The following GOLGA4 variants were observed in gnomAD, a reference collection of about 807,000 sequenced individuals.
The protein encoded by GOLGA4 is golgin subfamily A member 4.
In GOLGA4, 169 loss-of-function variants were observed where a neutral mutation model predicts 265.9. That is an observed-to-expected ratio of 0.64 (90% confidence interval 0.56 to 0.72). The LOEUF is 0.72. Ranked by LOEUF, GOLGA4 falls within the 30% of genes least tolerant of loss-of-function variation. GOLGA4 has a pLI of 0.00. For missense variants in GOLGA4, 2,482 were observed against 2,483.4 expected (o/e 1.00, Z 0.01); for synonymous variants, 923 against 855.8 (o/e 1.08, Z -1.37).
intron 4 of GOLGA4, 28 bp from the exon 5 acceptor site, chr3:37,289,207 C>T: frequency 1.4e-6 from 2 of 1,385,908 alleles, no homozygotes; most frequent in Non-Finnish European, 2.0e-6. Context: ...AGCTGTTTAA[C>T]CAGCTTTTTT....
chr3:37,347,208 A>G lies in GOLGA4; in HGVS notation c.6488A>G (p.His2163Arg). The change falls in exon 21 of 24, where the codon CAT becomes CGT. Residue 2163 changes from histidine to arginine, a missense_variant. Around this residue, in one of 3 missense-constraint regions of GOLGA4, gnomAD observed 942 missense variants for 983.1 expected, o/e 0.96. Coordinates refer to ENST00000361924, the MANE Select transcript of GOLGA4 (RefSeq NM_002078.5). ...TATTTGGCAGGTGGCAATTTGTACCATACGGATGTCTCACTCTTTGGAGAA... is the reference window on the plus strand; with the variant it reads ...TATTTGGCAGGTGGCAATTTGTACCGTACGGATGTCTCACTCTTTGGAGAA... The part of the protein sequence containing the change: ...GTPYKGGNLY[H>R]TDVSLFGEPT... 6.2e-7 allele frequency: 1 copy of G among 1,611,376 alleles called. No homozygotes were observed. Among genetic ancestry groups the G allele is most frequent in the Non-Finnish European group, 8.5e-7 (1 of 1,177,854 alleles).
At position 37,324,167 on chromosome 3, in the gene GOLGA4, C is replaced by G. The variant is rs1274839727; in HGVS notation, c.2281C>G (p.Leu761Val). Residue 761 changes from leucine (L) to valine (V), a missense_variant, in exon 14 of 24, where the codon CTT becomes GTT. Physicochemically the swap from Leu to Val is conservative, Grantham distance 32. Transcript: ENST00000361924. Reference sequence around the variant, plus strand: ...GGCATTAAAAGATCAAATTAATCAACTTGAGCTTCTCTTGAAGGAAAGGGA... The same window carrying G: ...GGCATTAAAAGATCAAATTAATCAAGTTGAGCTTCTCTTGAAGGAAAGGGA... ...EKALKDQINQ[L>V]ELLLKERDKH... 2.5e-6 allele frequency: 4 copies of G among 1,613,846 alleles called. No individual in the cohort carries two copies. Among genetic ancestry groups the G allele is most frequent in the Non-Finnish European group, 3.4e-6 (4 of 1,179,916 alleles).
At chr3:37,276,114 A>G (rs1380853105) in intron 2 of GOLGA4, 22 of 1,610,626 alleles carry the variant, frequency 1.4e-5, no homozygotes, top group East Asian at 1.1e-4. Context: ...GATTCTGTGC[A>G]GTTGAAGTGT....
intron 10 of GOLGA4, among the ~76,000 whole-genome samples, chr3:37,303,790 A>G (rs2150879091): frequency 6.6e-6 from 1 of 152,286 alleles, no homozygotes; most frequent in South Asian, 2.1e-4. Flanking sequence ...TGTTGCTGCT[A>G]CTACTACTGC....
rs1335847467 is a variant in GOLGA4, at chr3:37,321,959, G to A, written c.1701+73G>A. The stretch of plus-strand genomic sequence containing the variant: ...TATGAAAATTTGTTGTCTCTAGTCA[G>A]TATAAAGTTTCGAAGATTACTGGAT... On this transcript the variant is annotated intron_variant, in intron 13 of 23. Transcript: ENST00000361924. 2.4e-6 allele frequency: 3 copies of A among 1,258,898 alleles called. No individual in the cohort carries two copies. The South Asian group carries it at 4.4e-5, about 18-fold the overall frequency. 78.0% of individuals were successfully genotyped at this position (1,258,898 alleles called of 1,614,324 possible). A position where few individuals can be genotyped will look rare whatever the true frequency, so the allele number is the denominator to read the frequency against.
At chr3:37,346,016 GT>G (rs1487246704) in intron 20 of GOLGA4, among the ~76,000 whole-genome samples, 3 of 151,830 alleles carry the variant, frequency 2.0e-5, no homozygotes, top group African/African-American at 4.8e-5. Flanking sequence ...AAAGAGGTGC[GT>G]TTTGTATAGA....
chr3:37,318,077 A>G (rs1310542510), intron 11 of GOLGA4, among the ~76,000 whole-genome samples: 1 of 151,534 alleles, frequency 6.6e-6, no homozygotes, highest in East Asian at 1.9e-4. Flanking sequence ...TTTTACTGTT[A>G]ACATCTTTGA....
At position 37,350,650 on chromosome 3, in the gene GOLGA4, A is replaced by G. The variant is rs373132454; in HGVS notation, c.6576+3354A>G. ...CATTTCATGCCACATGTTTACAGGC[A>G]TACCTTGGAGGTATTACGGGTTCAG... On this transcript the variant is annotated intron_variant, in intron 21 of 23. Coordinates refer to ENST00000361924, the MANE Select transcript of GOLGA4 (RefSeq NM_002078.5). Among the ~76,000 whole-genome samples the G allele has an allele frequency of 1.1e-4, 17 of 152,116 alleles. 1 individual carries two copies. Among genetic ancestry groups the G allele is most frequent in the East Asian group, 9.6e-4 (5 of 5,200 alleles).
At chr3:37,263,711 A>G (rs1228399483) in intron 2 of GOLGA4, among the ~76,000 whole-genome samples, 2 of 152,178 alleles carry the variant, frequency 1.3e-5, no homozygotes, top group African/African-American at 4.8e-5. Context: ...GCATATATAT[A>G]TGAGAGTATG....
At chr3:37,345,965 T>C (rs1366385584) in intron 20 of GOLGA4, among the ~76,000 whole-genome samples, 1 of 151,564 alleles carries the variant, frequency 6.6e-6, no homozygotes, top group Admixed American at 6.6e-5. Flanking sequence ...AAAAAAGTAA[T>C]CTGCCTATTT....
chr3:37,270,546 CAT>C (rs1276741567), intron 2 of GOLGA4, among the ~76,000 whole-genome samples: 3 of 152,196 alleles, frequency 2.0e-5, no homozygotes, highest in South Asian at 2.1e-4. Context: ...GGACCACAAT[CAT>C]GTGTCAAGTC....
chr3:37,359,346 A>G (rs1478069534), intron 22 of GOLGA4, among the ~76,000 whole-genome samples: 1 of 152,186 alleles, frequency 6.6e-6, no homozygotes, highest in East Asian at 1.9e-4. Context: ...TATTTAAGAT[A>G]ATTTCATTAG....
At position 37,329,079 on chromosome 3, in the gene GOLGA4, G is replaced by C; in HGVS notation, c.6178G>C (p.Glu2060Gln). The C allele has an allele frequency of 6.2e-7, 1 of 1,605,174 alleles. No individual in the cohort carries two copies. ...TCTAAAACGAACAGCCAAAAGATATGAAGAAATCCTTGATGTTTGTACCTT... is the reference window on the plus strand; with the variant it reads ...TCTAAAACGAACAGCCAAAAGATATCAAGAAATCCTTGATGTTTGTACCTT... ...DDLKRTAKRY[E>Q]EILDAREEEM... is the part of the protein sequence containing the mutation. Residue 2060 changes from glutamate to glutamine, a missense_variant, in exon 16 of 24, where the codon GAA becomes CAA. By Grantham distance (29) the Glu-to-Gln change is conservative (BLOSUM62 2). Coordinates refer to ENST00000361924, the MANE Select transcript of GOLGA4 (RefSeq NM_002078.5).
intron 14 of GOLGA4, 106 bp from the exon 15 acceptor site, chr3:37,328,310 T>C: frequency 9.7e-7 from 1 of 1,033,940 alleles, no homozygotes; most frequent in East Asian, 2.4e-5. Flanking sequence ...TCAAAAATGT[T>C]TTCATACAAT....
At chr3:37,316,388 T>G (rs1393799887) in intron 11 of GOLGA4, among the ~76,000 whole-genome samples, 4 of 152,150 alleles carry the variant, frequency 2.6e-5, no homozygotes, top group Non-Finnish European at 4.4e-5. Flanking sequence ...CAATATGCAT[T>G]TCTATAACTC....
intron 21 of GOLGA4, among the ~76,000 whole-genome samples, chr3:37,348,300 A>G (rs1310195465): frequency 6.6e-6 from 1 of 152,198 alleles, no homozygotes; most frequent in Non-Finnish European, 1.5e-5. Flanking sequence ...TTGAATCCTT[A>G]ATATCTGTAG....
chr3:37,274,902 A>AT (rs976118421), intron 2 of GOLGA4, among the ~76,000 whole-genome samples: 2 of 151,998 alleles, frequency 1.3e-5, no homozygotes. Context: ...TAGACAAAAC[A>AT]TTCGGAAGTA....
intron 10 of GOLGA4, among the ~76,000 whole-genome samples, chr3:37,307,060 T>C (rs1162174448): frequency 1.3e-5 from 2 of 152,190 alleles, no homozygotes; most frequent in Non-Finnish European, 2.9e-5. Flanking sequence ...TTATGCAACA[T>C]GAATAAAGTA....
In GOLGA4 at chr3:37,289,073, A is replaced by G. The variant is rs151017525; in HGVS notation, c.526-162A>G. Among the ~76,000 whole-genome samples, 1,515 of 152,350 alleles carry G rather than the reference A, an allele frequency of 9.9e-3. 93 individuals are homozygous for G. The highest frequency in any genetic ancestry group is 0.091 in the Admixed American group (1,389 of 15,294). ...ATGATCTAACTTAACAGATTTTTCA[A>G]TATGGTCACATCTTTAACATTTTAG... On this transcript the variant is annotated intron_variant, in intron 4 of 23. Coordinates refer to ENST00000361924, the MANE Select transcript of GOLGA4 (RefSeq NM_002078.5).
Sources: allele counts gnomAD v4.1 joint callset (sites outside exome capture counted in the v4.1 genomes callset), GRCh38; gene constraint gnomAD v4.1.1; regional missense constraint gnomAD v4.1.1; transcripts MANE v1.5; gene names NCBI Gene and HGNC (gene_info 2026-07-23, HGNC 2026-07-21).